Variants in MECOM observed in about 807,000 individuals in gnomAD.
MECOM encodes MDS1 and EVI1 complex locus.
In MECOM, 13 loss-of-function variants were observed where a neutral mutation model predicts 116.3. That is an observed-to-expected ratio of 0.11 (90% CI 0.07 to 0.18). MECOM has a LOEUF of 0.18. Ranked by LOEUF, MECOM falls within the 10% of genes least tolerant of loss-of-function variation. MECOM has a pLI of 1.00. For missense variants in MECOM, 1,299 were observed against 1,509.0 expected, an observed-to-expected ratio of 0.86 and a Z score of 2.31; for synonymous variants, 528 against 535.2, an observed-to-expected ratio of 0.99 and a Z score of 0.19.
chr3:169,505,107 A>T (rs772051481), intron 1 of MECOM, among the ~76,000 whole-genome samples: 25 of 152,174 alleles, frequency 1.6e-4, no homozygotes, highest in South Asian at 8.3e-4. Context: ...CATGTCTAAA[A>T]CAAAAATGTC....
intron 7 of MECOM, among the ~76,000 whole-genome samples, chr3:169,118,187 A>G (rs1729786994): frequency 6.6e-6 from 1 of 152,180 alleles, no homozygotes; most frequent in South Asian, 2.1e-4. Flanking sequence ...ACATACATCC[A>G]AACAGGAAGT....
chr3:169,155,139 A>G (rs1224582196), intron 2 of MECOM, among the ~76,000 whole-genome samples: 1 of 152,206 alleles, frequency 6.6e-6, no homozygotes, highest in Non-Finnish European at 1.5e-5. Flanking sequence ...TTATGGCTAA[A>G]TGTATGGGGA....
chr3:169,304,860 C>G (rs550267979), intron 2 of MECOM, among the ~76,000 whole-genome samples: 1 of 152,200 alleles, frequency 6.6e-6, no homozygotes, highest in East Asian at 1.9e-4. Context: ...AGATATCTCT[C>G]TTTCCACTCA....
intron 2 of MECOM, among the ~76,000 whole-genome samples, chr3:169,208,987 C>T (rs1559995082): frequency 6.6e-6 from 1 of 151,094 alleles, no homozygotes; most frequent in South Asian, 2.1e-4. Context: ...GGTACTGCTA[C>T]CAAAACAGAC....
At chr3:169,413,336 T>A (rs1239883227) in intron 1 of MECOM, among the ~76,000 whole-genome samples, 1 of 152,136 alleles carries the variant, frequency 6.6e-6, no homozygotes, top group Non-Finnish European at 1.5e-5. Context: ...GACACTATGC[T>A]TTTCCCACAG....
At position 169,107,955 on chromosome 3, in the gene MECOM, G is replaced by C; in HGVS notation, c.2578-3C>G. On this transcript the variant is annotated splice_polypyrimidine_tract_variant and splice_region_variant and intron_variant, in intron 9 of 16. Transcript: ENST00000651503. Reference sequence around the variant, plus strand: ...GTTCTCTGATCAGGCAGTTGGAACTGGGAGCAAAATTGAAACAAAAACAAA... The same window carrying C: ...GTTCTCTGATCAGGCAGTTGGAACTCGGAGCAAAATTGAAACAAAAACAAA... 6.2e-7 allele frequency: 1 copy of C among 1,612,400 alleles called. No homozygotes were observed. The highest frequency in any genetic ancestry group is 8.5e-7 in the Non-Finnish European group (1 of 1,179,052).
chr3:169,309,771 C>T (rs183496085), intron 2 of MECOM, among the ~76,000 whole-genome samples: 1 of 149,096 alleles, frequency 6.7e-6, no homozygotes, highest in East Asian at 2.1e-4. Flanking sequence ...TTGAGTCTTG[C>T]TTCCCGTTGT....
intron 1 of MECOM, among the ~76,000 whole-genome samples, chr3:169,650,418 C>T (rs990549083): frequency 2.0e-5 from 3 of 151,962 alleles, no homozygotes; most frequent in Non-Finnish European, 4.4e-5. Flanking sequence ...AACAAAAAAG[C>T]CTTGAGGCCT....
intron 8 of MECOM, 144 bp from the exon 9 acceptor site, chr3:169,113,018 C>T (rs938642494): frequency 3.4e-6 from 2 of 586,312 alleles, no homozygotes; most frequent in African/African-American, 3.7e-5. Flanking sequence ...GACATCTGTC[C>T]AGTTCTTGGA....
intron 1 of MECOM, among the ~76,000 whole-genome samples, chr3:169,458,768 C>T (rs956354335): frequency 1.3e-5 from 2 of 152,068 alleles, no homozygotes; most frequent in Non-Finnish European, 2.9e-5. Flanking sequence ...CAAATGTAGC[C>T]GCACACTGGA....
chr3:169,355,271 T>C (rs866929087), intron 2 of MECOM, among the ~76,000 whole-genome samples: 1 of 152,014 alleles, frequency 6.6e-6, no homozygotes. Flanking sequence ...ATCTTCAAAC[T>C]GTCTTGACTT....
At chr3:169,201,058 T>C (rs979932493) in intron 2 of MECOM, among the ~76,000 whole-genome samples, 2 of 152,168 alleles carry the variant, frequency 1.3e-5, no homozygotes, top group African/African-American at 4.8e-5. Context: ...TTATTGAATA[T>C]GTACATCTGC....
rs558061087 is a variant in MECOM, at chr3:169,624,287, ACACATGCTGACCAG to A, written c.37+39035_37+39048del. ...ACAGAAAGCTGAAATAAATAATTAC[ACACATGCTGACCAG>A]CACTGGCTTTTATGTAATTGGTGCC... On this transcript the variant is annotated intron_variant, in intron 1 of 16. Coordinates refer to ENST00000651503, the MANE Select transcript of MECOM (RefSeq NM_004991.4). Among the ~76,000 whole-genome samples the A allele has an allele frequency of 1.4e-3, 210 of 152,342 alleles. 1 individual carries two copies. The highest frequency in any genetic ancestry group is 4.9e-3 in the African/African-American group (205 of 41,578).
At chr3:169,524,039 A>C (rs868027873) in intron 1 of MECOM, among the ~76,000 whole-genome samples, 1 of 138,248 alleles carries the variant, frequency 7.2e-6, no homozygotes, top group African/African-American at 2.6e-5. Flanking sequence ...TATATGAATA[A>C]ATATATATAT....
chr3:169,582,280 G>A (rs1765210850), intron 1 of MECOM, among the ~76,000 whole-genome samples: 1 of 151,868 alleles, frequency 6.6e-6, no homozygotes, highest in South Asian at 2.1e-4. Context: ...GTGGGGGAGG[G>A]AGAAAGGAAA....
At chr3:169,201,061 A>G (rs942414537) in intron 2 of MECOM, among the ~76,000 whole-genome samples, 13 of 152,138 alleles carry the variant, frequency 8.5e-5, no homozygotes, top group African/African-American at 2.9e-4. Context: ...TTGAATATGT[A>G]CATCTGCTCA....
chr3:169,497,762 C>T (rs1238723286), intron 1 of MECOM, among the ~76,000 whole-genome samples: 3 of 152,182 alleles, frequency 2.0e-5, no homozygotes, highest in Non-Finnish European at 4.4e-5. Flanking sequence ...CCAATGGCTT[C>T]TCATTATGTC....
At chr3:169,494,141 T>C (rs1052495426) in intron 1 of MECOM, among the ~76,000 whole-genome samples, 1 of 151,966 alleles carries the variant, frequency 6.6e-6, no homozygotes, top group Non-Finnish European at 1.5e-5. Context: ...TCTGCTTGCC[T>C]TGTGTTTTAT....
intron 2 of MECOM, among the ~76,000 whole-genome samples, chr3:169,312,903 G>C (rs1719072043): frequency 6.6e-6 from 1 of 152,122 alleles, no homozygotes; most frequent in Admixed American, 6.5e-5. Flanking sequence ...ATCCAAGTAG[G>C]GCTGGCATTT....
Sources: gnomAD v4.1 joint callset for allele counts (sites outside exome capture counted in the v4.1 genomes callset) on GRCh38, gnomAD v4.1.1 for gene constraint, MANE v1.5 for transcripts, NCBI Gene and HGNC (gene_info 2026-07-23, HGNC 2026-07-21) for gene names.